The following GNB1 variants were observed in gnomAD, a reference collection of about 807,000 sequenced individuals.
GNB1 encodes the protein guanine nucleotide-binding protein G(I)/G(S)/G(T) subunit beta-1.
Under a neutral mutation model 42.9 loss-of-function variants are expected in GNB1, and 2 were observed. That is an observed-to-expected ratio of 0.05 (90% confidence interval 0.02 to 0.15). GNB1 has a LOEUF of 0.15. GNB1 is among the 10% of genes least tolerant of loss of function. The pLI is 1.00. For missense variants in GNB1, 193 were observed against 462.2 expected (o/e 0.42, Z 5.34); for synonymous variants, 183 against 174.7 (o/e 1.05, Z -0.38).
chr1:1,815,039 G>A (rs889290894), intron 5 of GNB1, among the ~76,000 whole-genome samples: 5 of 151,468 alleles, frequency 3.3e-5, no homozygotes, highest in African/African-American at 1.2e-4. Flanking sequence ...GTGAACCCGG[G>A]AGGCGGAGCT....
In GNB1 at chr1:1,790,526, G is replaced by A; in HGVS notation, c.568C>T (p.Leu190Phe). ...AGTCTGGTGTCAGGAGCAAGAGAAA[G>A]GCTCATGACATCTCCAGTGTGTCCG... Reference protein sequence around the residue: ...FTGHTGDVMSLSLAPDTRLFV... With the variant: ...FTGHTGDVMSFSLAPDTRLFV... The change falls in exon 9 of 12, where the codon CTT becomes TTT. Residue 190 changes from leucine (L) to phenylalanine (F), a missense_variant. Physicochemically the swap from Leu to Phe is conservative, Grantham distance 22 (BLOSUM62 0). Coordinates refer to ENST00000378609, the MANE Select transcript of GNB1 (RefSeq NM_002074.5). The surrounding 1 kb of genome is among the most constrained non-coding windows in gnomAD (Gnocchi z 5.4). 6.2e-7 allele frequency: 1 copy of A among 1,612,738 alleles called. No homozygotes were observed. Among genetic ancestry groups the A allele is most frequent in the Non-Finnish European group, 8.5e-7 (1 of 1,178,756 alleles).
chr1:1,786,723 GTGTC>G lies in GNB1; in HGVS notation c.*336_*339del, dbSNP rs1646411700. The G allele has an allele frequency of 6.6e-6, 1 of 152,342 alleles. No homozygotes were observed. Among genetic ancestry groups the G allele is most frequent in the Admixed American group, 6.5e-5 (1 of 15,292 alleles). The allele number at this position is 152,342 out of a possible 1,614,324, so 9.4% of individuals were successfully genotyped here. A position where few individuals can be genotyped will look rare whatever the true frequency, so the allele number is the denominator to read the frequency against. ...AATTCAAATACACTGGTGGAAAAGT[GTGTC>G]TGTCTGACAATTACACTCAAGTTTA... On this transcript the variant is annotated 3_prime_UTR_variant, in exon 12 of 12. Transcript: ENST00000378609.
chr1:1,818,595 G>A (rs1315969866), intron 3 of GNB1, among the ~76,000 whole-genome samples: 1 of 152,072 alleles, frequency 6.6e-6, no homozygotes, highest in Non-Finnish European at 1.5e-5. Flanking sequence ...GGGTGTGGTG[G>A]CTGACACCTA....
intron 1 of GNB1, among the ~76,000 whole-genome samples, chr1:1,879,183 C>T (rs899309536): frequency 6.6e-6 from 1 of 152,168 alleles, no homozygotes; most frequent in Non-Finnish European, 1.5e-5. Context: ...CTCTGGTCCC[C>T]ACAGGTGCCC....
At chr1:1,855,314 A>G (rs1344645083) in intron 1 of GNB1, among the ~76,000 whole-genome samples, 1 of 136,720 alleles carries the variant, frequency 7.3e-6, no homozygotes, top group Non-Finnish European at 1.6e-5. Flanking sequence ...ACAGCAAGAC[A>G]CTGTGTCAAA....
chr1:1,859,529 G>C (rs564416828), intron 1 of GNB1, among the ~76,000 whole-genome samples: 5 of 152,142 alleles, frequency 3.3e-5, no homozygotes, highest in African/African-American at 1.2e-4. Flanking sequence ...ACTATGTATC[G>C]TGGCCTAAAG....
intron 3 of GNB1, among the ~76,000 whole-genome samples, chr1:1,820,150 AG>A (rs1250330736): frequency 6.6e-6 from 1 of 152,112 alleles, no homozygotes; most frequent in Non-Finnish European, 1.5e-5. Flanking sequence ...TGAGGTCAGG[AG>A]TTCAAGACAA....
At chr1:1,861,478 T>C (rs891774303) in intron 1 of GNB1, among the ~76,000 whole-genome samples, 1 of 151,026 alleles carries the variant, frequency 6.6e-6, no homozygotes, top group Non-Finnish European at 1.5e-5. Flanking sequence ...ATAATAATAA[T>C]AAAAACCCAG....
chr1:1,882,708 G>C (rs936754523), intron 1 of GNB1, among the ~76,000 whole-genome samples: 3 of 152,104 alleles, frequency 2.0e-5, no homozygotes, highest in Non-Finnish European at 4.4e-5. Context: ...AGATCACGAG[G>C]TCAGGAGTTT....
chr1:1,791,330 C>G (rs1270546468), intron 8 of GNB1, among the ~76,000 whole-genome samples: 1 of 152,138 alleles, frequency 6.6e-6, no homozygotes, highest in East Asian at 1.9e-4. Context: ...CGCCACCATG[C>G]CCGGCTAATT....
chr1:1,804,248 G>A (rs184072607), intron 7 of GNB1, among the ~76,000 whole-genome samples, 171 bp downstream of exon 7: 10 of 148,502 alleles, frequency 6.7e-5, no homozygotes, highest in Admixed American at 3.3e-4. Flanking sequence ...GCAGTGAGCC[G>A]AGATCACGCC....
intron 1 of GNB1, among the ~76,000 whole-genome samples, chr1:1,841,703 A>ACGG (rs1372082252): frequency 8.5e-5 from 13 of 152,202 alleles, no homozygotes; most frequent in African/African-American, 3.1e-4. Context: ...TACTTAAAGT[A>ACGG]GTTTCGTTTT....
chr1:1,818,928 G>A (rs1474685036), intron 3 of GNB1, among the ~76,000 whole-genome samples: 1 of 151,948 alleles, frequency 6.6e-6, no homozygotes, highest in Non-Finnish European at 1.5e-5. Flanking sequence ...AAATTCTATG[G>A]AAAACGAGCA....
intron 2 of GNB1, among the ~76,000 whole-genome samples, chr1:1,831,917 G>T (rs1297304628): frequency 6.6e-6 from 1 of 151,202 alleles, no homozygotes; most frequent in Admixed American, 6.6e-5. Flanking sequence ...GCAAAAATTA[G>T]CTGGCGCAGT....
intron 1 of GNB1, among the ~76,000 whole-genome samples, chr1:1,841,642 G>A (rs911936754): frequency 1.3e-5 from 2 of 152,192 alleles, no homozygotes. Context: ...GTCAGTAGAT[G>A]AATCAACAAA....
chr1:1,827,069 A>C (rs1156661419), intron 2 of GNB1, among the ~76,000 whole-genome samples: 2 of 152,258 alleles, frequency 1.3e-5, no homozygotes, highest in African/African-American at 4.8e-5. Flanking sequence ...GTGTAAGTCA[A>C]AAGGCTAATA....
chr1:1,869,122 C>T (rs1490878727), intron 1 of GNB1, among the ~76,000 whole-genome samples: 7 of 128,960 alleles, frequency 5.4e-5, no homozygotes, highest in African/African-American at 2.1e-4. Context: ...GGAGGCGGAG[C>T]TTGCAGTGAG....
At chr1:1,873,134 A>G (rs574129767) in intron 1 of GNB1, among the ~76,000 whole-genome samples, 2 of 151,892 alleles carry the variant, frequency 1.3e-5, no homozygotes, top group East Asian at 3.9e-4. Context: ...TCCTGGCCTC[A>G]AGCCATCCTC....
intron 1 of GNB1, among the ~76,000 whole-genome samples, chr1:1,887,862 G>A (rs948646932): frequency 6.6e-6 from 1 of 152,162 alleles, no homozygotes; most frequent in African/African-American, 2.4e-5. Context: ...TGATCCGCCC[G>A]CCTCCACCTC....
Sources: gnomAD v4.1 joint callset for allele counts (sites outside exome capture counted in the v4.1 genomes callset) on GRCh38, gnomAD v4.1.1 for gene constraint, Gnocchi (gnomAD v3.1) non-coding constraint, MANE v1.5 for transcripts, NCBI Gene and HGNC (gene_info 2026-07-23, HGNC 2026-07-21) for gene names.